Variants in TTN observed in about 807,000 individuals in gnomAD.
TTN encodes connectin.
Under a neutral mutation model 3,223.0 loss-of-function variants are expected in TTN, and 1,525 were observed. That is an observed-to-expected ratio of 0.47 (90% CI 0.45 to 0.49). The LOEUF is 0.49. TTN is among the 20% of genes least tolerant of loss of function. The pLI is 0.00. For synonymous variants in TTN, 14,094 were observed against 15,161.0 expected (o/e 0.93, Z 5.17); for missense variants, 40,786 against 43,424.0 (o/e 0.94, Z 5.40).
chr2:178,704,458 C>T, intron 105 of TTN, 51 bp from the exon 106 acceptor site: 1 of 1,599,054 alleles, frequency 6.3e-7, no homozygotes, highest in Non-Finnish European at 8.5e-7. Context: ...CGCAGATGTG[C>T]TCAACAGTAA....
At position 178,595,602 on chromosome 2, in the gene TTN, C is replaced by T. The variant is rs2051353866; in HGVS notation, c.57752G>A (p.Gly19251Glu). The T allele has an allele frequency of 6.3e-7, 1 of 1,590,926 alleles. No homozygotes were observed. ...QNATVQGLIQ[G>E]KAYFFRIAAE... ...CGCAATTCGGAAAAAGTAGGCTTTT[C>T]CTTGAATGAGACCCTGGACAGTAGC... Residue 19251 changes from glycine (G) to glutamate (E), a missense_variant, in exon 295 of 363, where the codon GGA becomes GAA. By Grantham distance (98) the Gly-to-Glu change is moderately conservative (BLOSUM62 -2). Transcript: ENST00000589042.
At position 178,599,766 on chromosome 2, in the gene TTN, G is replaced by A. The variant is rs780740937; in HGVS notation, c.56135C>T (p.Pro18712Leu). 1 of 1,611,900 alleles carries A rather than the reference G, an allele frequency of 6.2e-7. No individual in the cohort carries two copies. Among genetic ancestry groups the A allele is most frequent in the Admixed American group, 1.7e-5 (1 of 59,828 alleles). Residue 18712 changes from proline (P) to leucine (L), a missense_variant, in exon 289 of 363, where the codon CCA (proline) becomes CTA (leucine). Coordinates refer to ENST00000589042, the MANE Select transcript of TTN (RefSeq NM_001267550.2). The stretch of plus-strand genomic sequence containing the variant: ...TTTAAACCAGGTTAGTGTCGGGAAT[G>A]GCACACCTTTAATTTTGGCCACAAT... ...VNIVAKIKGV[P>L]FPTLTWFKAP...
At chr2:178,618,884 C>T (rs761392972) in intron 250 of TTN, 31 bp from the exon 251 acceptor site, 24 of 1,597,524 alleles carry the variant, frequency 1.5e-5, no homozygotes, top group East Asian at 4.5e-5. Context: ...TGAACGCTTT[C>T]GACTATTAAA....
rs751402631 is a variant in TTN, at chr2:178,568,514, G to C, written c.77618C>G (p.Ala25873Gly). ...DDGGQYGITV[A>G]NVVGQKTASI... ...TGCTGTCTTCTGACCAACAACATTGGCAACTGTGATTCCATATTGTCCACC... is the reference window on the plus strand; with the variant it reads ...TGCTGTCTTCTGACCAACAACATTGCCAACTGTGATTCCATATTGTCCACC... The change falls in exon 326 of 363, where the codon GCC becomes GGC. Residue 25873 changes from alanine (A) to glycine (G), a missense_variant. Transcript: ENST00000589042. 1.9e-6 allele frequency: 3 copies of C among 1,613,362 alleles called. No individual in the cohort carries two copies. The Admixed American group carries it at 5.0e-5, about 27-fold the overall frequency.
At position 178,595,636 on chromosome 2, in the gene TTN, G is replaced by A. The variant is rs2051361827; in HGVS notation, c.57718C>T (p.Arg19240Ter). 4 of 1,605,258 alleles carry A rather than the reference G, an allele frequency of 2.5e-6. No individual in the cohort carries two copies. The highest frequency in any genetic ancestry group is 3.4e-6 in the Non-Finnish European group (4 of 1,175,688). Residue 19240 changes from arginine (R) to a stop codon, truncating the protein, a stop_gained, in exon 295 of 363, where the codon CGA becomes TGA. Coordinates refer to ENST00000589042, the MANE Select transcript of TTN (RefSeq NM_001267550.2). LOFTEE classifies it high-confidence loss of function. Reference protein sequence around the residue: ...AWTPVTYTVTRQNATVQGLIQ... With the variant: ...AWTPVTYTVT ...AGACCCTGGACAGTAGCATTTTGTC[G>A]GGTAACTGTATATGTCACTGGGGTC...
rs1334543067 is a variant in TTN at position 178,576,736 on chromosome 2, C to T, written c.69508G>A (p.Glu23170Lys). 5.6e-6 allele frequency: 9 copies of T among 1,613,360 alleles called. No homozygotes were observed. The highest frequency in any genetic ancestry group is 1.6e-4 in the Middle Eastern group (1 of 6,078). Reference sequence around the variant, plus strand: ...CTTTCTACATGATATCCTGTAATTTCGCTGCCACCATCATCCACTGGCCTT... The same window carrying T: ...CTTTCTACATGATATCCTGTAATTTTGCTGCCACCATCATCCACTGGCCTT... ...WKRPVDDGGS[E>K]ITGYHVERRE... is the part of the protein sequence containing the mutation. Residue 23170 changes from glutamate to lysine, a missense_variant, in exon 325 of 363, where the codon GAA (glutamate) becomes AAA (lysine). Transcript: ENST00000589042. This position sits in a 1 kb window ranked among gnomAD's most constrained non-coding sequence, Gnocchi z 4.3.
intron 47 of TTN, chr2:178,742,732 C>T (rs1574112322): frequency 2.0e-5 from 3 of 152,106 alleles, no homozygotes; most frequent in Non-Finnish European, 4.4e-5. Context: ...ACAAGGAATT[C>T]GATTTTTTAT....
At position 178,548,593 on chromosome 2, in the gene TTN, C is replaced by T; in HGVS notation, c.93033G>A (p.Val31011=). 1 of 1,613,868 alleles carries T rather than the reference C, an allele frequency of 6.2e-7. No homozygotes were observed. Among genetic ancestry groups the T allele is most frequent in the Non-Finnish European group, 8.5e-7 (1 of 1,179,812 alleles). The change falls in exon 339 of 363, where the codon GTG becomes GTA. Residue 31011 remains valine (V), a synonymous_variant. Coordinates refer to ENST00000589042, the MANE Select transcript of TTN (RefSeq NM_001267550.2). The surrounding 1 kb of genome is among the most constrained non-coding windows in gnomAD (Gnocchi z 4.3). The part of the protein sequence containing the change: ...NSGSKSITFT[V]KVLDTPGPPG... ...GTGGGCCTGGAGTGTCTAGCACTTT[C>T]ACGGTGAATGTGATTGACTTACTAC... is the stretch of plus-strand genomic sequence containing the variant.
In TTN at chr2:178,571,689, G is replaced by A; in HGVS notation, c.74443C>T (p.Pro24815Ser). 1 of 1,613,420 alleles carries A rather than the reference G, an allele frequency of 6.2e-7. No homozygotes were observed. Among genetic ancestry groups the A allele is most frequent in the Non-Finnish European group, 8.5e-7 (1 of 1,179,594 alleles). ...GCTGTCACTTCATCCATTTTAACTG[G>A]TCCAGTTGGAGGCCCTGGTTTGTCA... ...VLDKPGPPTG[P>S]VKMDEVTADS... The change falls in exon 326 of 363, where the codon CCA becomes TCA. Residue 24815 changes from proline to serine, a missense_variant. Physicochemically the swap from Pro to Ser is moderately conservative, Grantham distance 74. Coordinates refer to ENST00000589042, the MANE Select transcript of TTN (RefSeq NM_001267550.2).
rs1200347706 is a variant in TTN, at chr2:178,605,220, A to G, written c.53957T>C (p.Ile17986Thr). 6.2e-7 allele frequency: 1 copy of G among 1,611,644 alleles called. No homozygotes were observed. Among genetic ancestry groups the G allele is most frequent in the African/African-American group, 1.3e-5 (1 of 74,774 alleles). Reference sequence around the variant, plus strand: ...TGGAAGGCCTGTCACATCTGCAGGGATGTGGACAGGCTCTCCTGCCTTAAC... The same window carrying G: ...TGGAAGGCCTGTCACATCTGCAGGGGTGTGGACAGGCTCTCCTGCCTTAAC... ...IKVKAGEPVH[I>T]PADVTGLPMP... The change falls in exon 280 of 363, where the codon ATC becomes ACC. Residue 17986 changes from isoleucine (I) to threonine (T), a missense_variant. Physicochemically the swap from Ile to Thr is moderately conservative, Grantham distance 89 (BLOSUM62 -1). Transcript: ENST00000589042.
In TTN at chr2:178,646,578, A is replaced by G; in HGVS notation, c.40223-19T>C. On this transcript the variant is annotated intron_variant, in intron 215 of 362. Transcript: ENST00000589042. ...TCACGTTCTTTAAAGAATGTTGACA[A>G]AGGAGATGAGGTTGCAATGTAAAGT... 1 of 1,475,178 alleles carries G rather than the reference A, an allele frequency of 6.8e-7. No individual in the cohort carries two copies. The highest frequency in any genetic ancestry group is 2.0e-5 in the Admixed American group (1 of 50,460). 91.4% of individuals were successfully genotyped at this position (1,475,178 alleles called of 1,614,324 possible). A position where few individuals can be genotyped will look rare whatever the true frequency, so the allele number is the denominator to read the frequency against.
rs3829749 is a variant in TTN at position 178,531,033 on chromosome 2, G to A, written c.105582C>T (p.Ser35194=). The change falls in exon 358 of 363, where the codon TCC becomes TCT. Residue 35194 remains serine, a synonymous_variant. Transcript: ENST00000589042. ...STFEISSVQA[S]DEGNYSVVVE... ...CCACCACGCTGTAATTGCCCTCATCGGAAGCCTGGACTGAAGAGATCTCAA... is the reference window on the plus strand; with the variant it reads ...CCACCACGCTGTAATTGCCCTCATCAGAAGCCTGGACTGAAGAGATCTCAA... 52,350 of 1,613,774 alleles carry A rather than the reference G, an allele frequency of 0.032. 1,926 individuals are homozygous for A. The highest frequency in any genetic ancestry group is 0.18 in the East Asian group (7,956 of 44,878).
Position 178,562,049 on chromosome 2 carries a change from T to C in TTN, c.84083A>G (p.Glu28028Gly). The C allele has an allele frequency of 5.0e-6, 8 of 1,613,408 alleles. No individual in the cohort carries two copies. The highest frequency in any genetic ancestry group is 6.8e-6 in the Non-Finnish European group (8 of 1,179,670). ...ACATAATTCATAAGTTCCAACATCT[T>C]CCTTTGAAGCTTCCTTAATAGATAG... ...TSLSIKEASK[E>G]DVGTYELCVS... The change falls in exon 326 of 363, where the codon GAA (glutamate) becomes GGA (glycine). Residue 28028 changes from glutamate to glycine, a missense_variant. Transcript: ENST00000589042.
Position 178,550,196 on chromosome 2 carries a change from C to G in TTN, c.91642G>C (p.Ala30548Pro), listed in dbSNP as rs369043548. The G allele has an allele frequency of 5.6e-6, 9 of 1,613,750 alleles. No homozygotes were observed. Among genetic ancestry groups the G allele is most frequent in the South Asian group, 3.3e-5 (3 of 91,068 alleles). ...GGCACTGGTCTTCCTTGTACCAAAG[C>G]TTTAATTCTAAGGCTCTCTCCGGAC... ...IKSGESLRIK[A>P]LVQGRPVPRV... Residue 30548 changes from alanine (A) to proline (P), a missense_variant, in exon 337 of 363, where the codon GCT becomes CCT. By Grantham distance (27) the Ala-to-Pro change is conservative (BLOSUM62 -1). Transcript: ENST00000589042.
Position 178,579,647 on chromosome 2 carries a change from T to C in TTN, c.67550A>G (p.Lys22517Arg). Residue 22517 changes from lysine (K) to arginine (R), a missense_variant, in exon 319 of 363, where the codon AAG becomes AGG. Lys to Arg is a conservative substitution (Grantham distance 26). Transcript: ENST00000589042. ...AGCACTCACTCTGAAGGTATATTCC[T>C]TCCCTTCAGTCAAATCTTTTGCAGA... ...QYSAKDLTEG[K>R]EYTFRVSAEN... 2 of 1,613,334 alleles carry C rather than the reference T, an allele frequency of 1.2e-6. No individual in the cohort carries two copies. Among genetic ancestry groups the C allele is most frequent in the Non-Finnish European group, 1.7e-6 (2 of 1,179,470 alleles).
intron 168 of TTN, 41 bp downstream of exon 168, chr2:178,664,419 C>G: frequency 6.8e-7 from 1 of 1,479,948 alleles, no homozygotes; most frequent in Non-Finnish European, 9.3e-7. Flanking sequence ...TTCTATCGCC[C>G]CACCCACTAT....
In TTN at chr2:178,598,517, C is replaced by T. The variant is rs1021198349; in HGVS notation, c.57100G>A (p.Glu19034Lys). ...CCAAGTTTTCCTACCTTTTCCCATT[C>T]TTCTTTTCCTTCTTCTTTATATTCA... ...IVEYKEEGKE[E>K]WEKGKDKEVR... Residue 19034 changes from glutamate (E) to lysine (K), a missense_variant, in exon 292 of 363, where the codon GAA (glutamate) becomes AAA (lysine). Physicochemically the swap from Glu to Lys is moderately conservative, Grantham distance 56 (BLOSUM62 1). Transcript: ENST00000589042. The T allele has an allele frequency of 6.2e-7, 1 of 1,605,180 alleles. No homozygotes were observed. Among genetic ancestry groups the T allele is most frequent in the Non-Finnish European group, 8.5e-7 (1 of 1,177,780 alleles).
rs766442128 is a variant in TTN, at chr2:178,543,091, G to T, written c.96882C>A (p.Ala32294=). 6.3e-7 allele frequency: 1 copy of T among 1,595,708 alleles called. No homozygotes were observed. The highest frequency in any genetic ancestry group is 1.1e-5 in the South Asian group (1 of 89,830). ...GVSEPRETVT[A]VTVQDLRVLP... ...TACCTCTGAGGTCTTGTACAGTCACGGCTGTGACAGTCTCTCTTGGTTCTG... is the reference window on the plus strand; with the variant it reads ...TACCTCTGAGGTCTTGTACAGTCACTGCTGTGACAGTCTCTCTTGGTTCTG... The change falls in exon 347 of 363, where the codon GCC becomes GCA. Residue 32294 remains alanine, a synonymous_variant. Coordinates refer to ENST00000589042, the MANE Select transcript of TTN (RefSeq NM_001267550.2).
Position 178,720,615 on chromosome 2 carries a change from C to A in TTN, c.23147G>T (p.Gly7716Val), listed in dbSNP as rs751284978. 6.8e-6 allele frequency: 11 copies of A among 1,610,748 alleles called. No homozygotes were observed. Among genetic ancestry groups the A allele is most frequent in the Non-Finnish European group, 9.3e-6 (11 of 1,178,726 alleles). Reference protein sequence around the residue: ...QKPSPVGALKGSDVILQCEIS... With the variant: ...QKPSPVGALKVSDVILQCEIS... Reference sequence around the variant, plus strand: ...TTCACATTGGAGAATCACATCAGAACCTTTAAGAGCTCCTACTGGAGAAGG... The same window carrying A: ...TTCACATTGGAGAATCACATCAGAAACTTTAAGAGCTCCTACTGGAGAAGG... Residue 7716 changes from glycine (G) to valine (V), a missense_variant, in exon 80 of 363, where the codon GGT (glycine) becomes GTT (valine). Transcript: ENST00000589042.
Sources: gnomAD v4.1 joint callset for allele counts on GRCh38, gnomAD v4.1.1 for gene constraint, Gnocchi (gnomAD v3.1) non-coding constraint, MANE v1.5 for transcripts, NCBI Gene and HGNC (gene_info 2026-07-23, HGNC 2026-07-21) for gene names.